The following SYT9 variants were observed in gnomAD, a reference collection of about 807,000 sequenced individuals.
The protein encoded by SYT9 is synaptotagmin 9.
A neutral mutation model predicts 48.4 loss-of-function variants in SYT9; 22 were observed. The observed-to-expected ratio is 0.45, with a 90% CI of 0.32 to 0.65. SYT9 has a LOEUF of 0.65. Ranked by LOEUF, SYT9 falls within the 30% of genes least tolerant of loss-of-function variation. SYT9 has a pLI of 0.03. For missense variants in SYT9, 577 were observed against 622.0 expected (o/e 0.93, Z 0.77); for synonymous variants, 265 against 245.0 (o/e 1.08, Z -0.76).
chr11:7,241,918 T>C (rs886566395), intron 1 of SYT9, among the ~76,000 whole-genome samples: 10 of 152,214 alleles, frequency 6.6e-5, no homozygotes, highest in African/African-American at 2.4e-4. Flanking sequence ...CAAACATGGG[T>C]TCCCATTTCT....
intron 1 of SYT9, among the ~76,000 whole-genome samples, chr11:7,287,255 A>G (rs1473907602): frequency 6.6e-6 from 1 of 152,072 alleles, no homozygotes; most frequent in East Asian, 1.9e-4. Flanking sequence ...CCCTTATAAA[A>G]CCATCGGATC....
At chr11:7,322,724 T>C (rs1849359067) in intron 3 of SYT9, among the ~76,000 whole-genome samples, 1 of 152,190 alleles carries the variant, frequency 6.6e-6, no homozygotes, top group Non-Finnish European at 1.5e-5. Context: ...TTAGCCAATA[T>C]GTAAACATCA....
At chr11:7,266,284 G>C (rs1417556636) in intron 1 of SYT9, among the ~76,000 whole-genome samples, 4 of 151,970 alleles carry the variant, frequency 2.6e-5, no homozygotes, top group Non-Finnish European at 5.9e-5. Flanking sequence ...TTCTTCTGGG[G>C]CTTTTAAAGT....
intron 3 of SYT9, among the ~76,000 whole-genome samples, chr11:7,381,198 G>A (rs1052387850): frequency 2.6e-5 from 4 of 152,044 alleles, no homozygotes; most frequent in East Asian, 1.9e-4. Context: ...GTTGTGTCAA[G>A]GTCCACATTT....
chr11:7,367,666 C>T (rs1462259577), intron 3 of SYT9, among the ~76,000 whole-genome samples: 1 of 151,604 alleles, frequency 6.6e-6, no homozygotes, highest in Non-Finnish European at 1.5e-5. Flanking sequence ...TATGTTTTTT[C>T]TTAGTAATTT....
intron 3 of SYT9, among the ~76,000 whole-genome samples, chr11:7,348,688 C>CTTTTTTTTTTTTTTTATTTTTTT (rs1849848425): frequency 2.1e-5 from 1 of 47,098 alleles, no homozygotes. Flanking sequence ...ATCAGACCTC[C>CTTTTTTTTTTTTTTTATTTTTTT]TTTTTTTTTT....
intron 3 of SYT9, among the ~76,000 whole-genome samples, chr11:7,328,078 ATAAT>A (rs754652564): frequency 4.6e-4 from 63 of 136,132 alleles, no homozygotes; most frequent in African/African-American, 1.4e-3. Context: ...ATAATTAAAA[ATAAT>A]AATAATAATA....
At chr11:7,374,958 C>T (rs1162180825) in intron 3 of SYT9, among the ~76,000 whole-genome samples, 1 of 152,118 alleles carries the variant, frequency 6.6e-6, no homozygotes, top group African/African-American at 2.4e-5. Context: ...GCTTTTGTTG[C>T]CATTGCTTTC....
At chr11:7,303,505 A>G (rs1232995576) in intron 2 of SYT9, 115 bp downstream of exon 2, 3 of 930,336 alleles carry the variant, frequency 3.2e-6, no homozygotes, top group Admixed American at 5.8e-5. Flanking sequence ...TCTGTTCTGT[A>G]TCAGAGACAT....
At chr11:7,394,177 G>T (rs1195505872) in intron 3 of SYT9, among the ~76,000 whole-genome samples, 3 of 144,362 alleles carry the variant, frequency 2.1e-5, no homozygotes, top group African/African-American at 7.8e-5. Flanking sequence ...TGTTCTCATT[G>T]TTCAATTCCC....
At chr11:7,241,424 T>A (rs563915543) in intron 1 of SYT9, among the ~76,000 whole-genome samples, 1 of 152,350 alleles carries the variant, frequency 6.6e-6, no homozygotes, top group South Asian at 2.1e-4. Context: ...GTTCAGTTAT[T>A]AGAAAATTTC....
At chr11:7,321,917 A>G (rs1054566370) in intron 3 of SYT9, among the ~76,000 whole-genome samples, 1 of 152,158 alleles carries the variant, frequency 6.6e-6, no homozygotes, top group African/African-American at 2.4e-5. Context: ...TATGATGTAA[A>G]TGAGCAATGA....
rs563128026 is a variant in SYT9, at chr11:7,450,193, C to A, written c.1468-16599C>A. ...AACTAATTTATCCAACATCATGAGGCAAATAACTGGCCGAGCTATCAGATT... is the reference window on the plus strand; with the variant it reads ...AACTAATTTATCCAACATCATGAGGAAAATAACTGGCCGAGCTATCAGATT... On this transcript the variant is annotated intron_variant, in intron 6 of 6. Coordinates refer to ENST00000318881, the MANE Select transcript of SYT9 (RefSeq NM_175733.4). Among the ~76,000 whole-genome samples, 204 of 152,256 alleles carry A rather than the reference C, an allele frequency of 1.3e-3. 1 individual carries two copies. Among genetic ancestry groups the A allele is most frequent in the African/African-American group, 4.6e-3 (193 of 41,550 alleles).
intron 3 of SYT9, among the ~76,000 whole-genome samples, chr11:7,376,482 C>G (rs2134038651): frequency 6.6e-6 from 1 of 152,008 alleles, no homozygotes; most frequent in South Asian, 2.1e-4. Flanking sequence ...AGAGCAATGC[C>G]TTTGTGGAAA....
At chr11:7,305,694 A>T (rs1849017771) in intron 2 of SYT9, among the ~76,000 whole-genome samples, 1 of 151,948 alleles carries the variant, frequency 6.6e-6, no homozygotes. Context: ...TTTCTTTCTC[A>T]TTATGTTCTT....
chr11:7,300,551 G>A (rs1254828705), intron 1 of SYT9, among the ~76,000 whole-genome samples: 1 of 152,228 alleles, frequency 6.6e-6, no homozygotes, highest in African/African-American at 2.4e-5. Context: ...CGGCCTCCCA[G>A]TGTGCCCCTT....
intron 6 of SYT9, among the ~76,000 whole-genome samples, chr11:7,461,970 G>A (rs898838134): frequency 6.6e-6 from 1 of 152,108 alleles, no homozygotes; most frequent in African/African-American, 2.4e-5. Context: ...CACATGCCAC[G>A]CACCATTTGC....
chr11:7,429,522 A>G (rs77245287), intron 6 of SYT9, among the ~76,000 whole-genome samples: 12,630 of 152,232 alleles, frequency 0.083, 827 homozygotes, highest in African/African-American at 0.18. Flanking sequence ...TCTGGCCTTT[A>G]TAAGTATGTA....
At chr11:7,388,713 GTTAT>G (rs1410100270) in intron 3 of SYT9, among the ~76,000 whole-genome samples, 4 of 151,894 alleles carry the variant, frequency 2.6e-5, no homozygotes, top group Non-Finnish European at 5.9e-5. Context: ...TTTTCATCCT[GTTAT>G]TTATTTTGAC....
Sources: allele counts gnomAD v4.1 joint callset (sites outside exome capture counted in the v4.1 genomes callset), GRCh38; gene constraint gnomAD v4.1.1; transcripts MANE v1.5; gene names NCBI Gene and HGNC (gene_info 2026-07-23, HGNC 2026-07-21).